ADAMTSL3: variants seen among roughly 807,000 people sequenced by gnomAD.
ADAMTSL3 encodes ADAMTS-like protein 3.
Under a neutral mutation model 201.7 loss-of-function variants are expected in ADAMTSL3, and 128 were observed. That is an observed-to-expected ratio of 0.63 (90% CI 0.55 to 0.73). The LOEUF is 0.73. Ranked by LOEUF, ADAMTSL3 falls within the 30% of genes least tolerant of loss-of-function variation. The probability of loss-of-function intolerance (pLI) is 0.00; values close to 1 mark genes in which losing one functional copy is unlikely to be tolerated. For missense variants in ADAMTSL3, 1,990 were observed against 2,119.6 expected (o/e 0.94, Z 1.20); for synonymous variants, 738 against 748.4 (o/e 0.99, Z 0.23).
intron 4 of ADAMTSL3, among the ~76,000 whole-genome samples, chr15:83,774,122 G>T (rs2141755770): frequency 6.6e-6 from 1 of 152,310 alleles, no homozygotes; most frequent in South Asian, 2.1e-4. Context: ...TTAAAAATCT[G>T]TAAATTTGTA....
chr15:84,007,361 C>T (rs979993454), intron 23 of ADAMTSL3, among the ~76,000 whole-genome samples: 1 of 152,168 alleles, frequency 6.6e-6, no homozygotes, highest in East Asian at 1.9e-4. Context: ...ATTTTAGATA[C>T]ATCTGGATTC....
intron 3 of ADAMTSL3, among the ~76,000 whole-genome samples, chr15:83,762,385 T>A (rs903084398): frequency 6.6e-6 from 1 of 152,184 alleles, no homozygotes; most frequent in Non-Finnish European, 1.5e-5. Flanking sequence ...TTAGTCAATT[T>A]GTGCTGCTAT....
intron 3 of ADAMTSL3, among the ~76,000 whole-genome samples, chr15:83,706,758 G>A (rs2061857625): frequency 6.7e-6 from 1 of 148,872 alleles, no homozygotes; most frequent in African/African-American, 2.5e-5. Context: ...TGATCCTCCT[G>A]CCTCAGCCCC....
chr15:83,765,090 A>T (rs1478883466), intron 3 of ADAMTSL3, among the ~76,000 whole-genome samples: 1 of 152,180 alleles, frequency 6.6e-6, no homozygotes, highest in African/African-American at 2.4e-5. Flanking sequence ...AAGAAGAGAG[A>T]AGTAAAACAC....
intron 24 of ADAMTSL3, among the ~76,000 whole-genome samples, chr15:84,015,235 C>T (rs766489837): frequency 4.6e-5 from 7 of 152,122 alleles, no homozygotes; most frequent in South Asian, 2.1e-4. Flanking sequence ...TGAACCACTG[C>T]GCCCGGTCAG....
At chr15:84,030,395 G>C (rs2068384072) in intron 27 of ADAMTSL3, among the ~76,000 whole-genome samples, 1 of 152,172 alleles carries the variant, frequency 6.6e-6, no homozygotes, top group Non-Finnish European at 1.5e-5. Context: ...GTGAGACATG[G>C]GGTCAAAGGA....
At chr15:84,032,905 A>C (rs1360529851) in intron 28 of ADAMTSL3, among the ~76,000 whole-genome samples, 2 of 152,192 alleles carry the variant, frequency 1.3e-5, no homozygotes, top group Non-Finnish European at 2.9e-5. Context: ...TGATGCTATC[A>C]AATTGCCATC....
intron 4 of ADAMTSL3, among the ~76,000 whole-genome samples, chr15:83,776,488 C>T (rs917085642): frequency 4.1e-4 from 62 of 152,252 alleles, no homozygotes; most frequent in African/African-American, 1.5e-3. Context: ...GAGGCCGAGG[C>T]GGGTGGATCA....
chr15:83,882,710 A>G (rs2141860909), intron 9 of ADAMTSL3, among the ~76,000 whole-genome samples: 1 of 152,318 alleles, frequency 6.6e-6, no homozygotes, highest in South Asian at 2.1e-4. Flanking sequence ...TCTAGATCCA[A>G]TATTCTTGTC....
At chr15:83,944,737 A>ATGC (rs1241509802) in intron 19 of ADAMTSL3, among the ~76,000 whole-genome samples, 3 of 152,228 alleles carry the variant, frequency 2.0e-5, no homozygotes, top group Admixed American at 1.3e-4. Context: ...CAACAGACCC[A>ATGC]TGCTGGTACC....
At chr15:83,990,056 A>G (rs945528007) in intron 22 of ADAMTSL3, among the ~76,000 whole-genome samples, 6 of 152,160 alleles carry the variant, frequency 3.9e-5, no homozygotes, top group Admixed American at 3.9e-4. Flanking sequence ...GATTGAAATG[A>G]GTTTATTTAA....
chr15:84,017,102 TTTTATTTTG>T (rs1005828597), intron 25 of ADAMTSL3, among the ~76,000 whole-genome samples: 12 of 151,944 alleles, frequency 7.9e-5, no homozygotes, highest in African/African-American at 2.2e-4. Context: ...TATTTTGTTA[TTTTATTTTG>T]TTTATTTTGT....
At chr15:83,774,773 CAT>C (rs1385383556) in intron 4 of ADAMTSL3, among the ~76,000 whole-genome samples, 1 of 151,784 alleles carries the variant, frequency 6.6e-6, no homozygotes, top group African/African-American at 2.4e-5. Context: ...GATGGGGTAT[CAT>C]GTTGTTTTGG....
intron 3 of ADAMTSL3, among the ~76,000 whole-genome samples, chr15:83,738,338 G>T (rs893069525): frequency 2.0e-5 from 3 of 151,952 alleles, no homozygotes; most frequent in African/African-American, 4.8e-5. Flanking sequence ...TTAATTCTTG[G>T]GTCTCCTTTT....
intron 4 of ADAMTSL3, among the ~76,000 whole-genome samples, chr15:83,786,682 C>T (rs369462323): frequency 3.3e-5 from 5 of 152,220 alleles, no homozygotes; most frequent in Middle Eastern, 3.4e-3. Flanking sequence ...TAACCACCTG[C>T]GTCTTATCCT....
Position 84,031,250 on chromosome 15 carries a change from C to T in ADAMTSL3, c.4657-85C>T, listed in dbSNP as rs2068403556. 9 of 1,346,244 alleles carry T rather than the reference C, an allele frequency of 6.7e-6. No homozygotes were observed. The South Asian group carries it at 1.1e-4, about 16-fold the overall frequency. 83.4% of individuals were successfully genotyped at this position (1,346,244 alleles called of 1,614,324 possible). ...CAGTCCCCTTGTAATAGGTCTTCAG[C>T]TATCCTGCCTCAGTACATGATCTTA... On this transcript the variant is annotated intron_variant, in intron 27 of 29. Coordinates refer to ENST00000286744, the MANE Select transcript of ADAMTSL3 (RefSeq NM_207517.3).
chr15:83,845,170 C>T (rs184491489), intron 7 of ADAMTSL3, among the ~76,000 whole-genome samples: 11 of 152,352 alleles, frequency 7.2e-5, no homozygotes, highest in East Asian at 1.9e-4. Flanking sequence ...GACCACTCTA[C>T]GTAAAGTAGG....
At chr15:83,976,399 A>G (rs952585672) in intron 20 of ADAMTSL3, among the ~76,000 whole-genome samples, 1 of 152,146 alleles carries the variant, frequency 6.6e-6, no homozygotes, top group Non-Finnish European at 1.5e-5. Context: ...CATGGAAGAC[A>G]GTTTTTCCAC....
At chr15:83,718,711 G>C (rs2062053707) in intron 3 of ADAMTSL3, among the ~76,000 whole-genome samples, 1 of 149,638 alleles carries the variant, frequency 6.7e-6, no homozygotes. Context: ...AAAAAAAATT[G>C]GGACAAAATT....
Sources: gnomAD v4.1 joint callset for allele counts (sites outside exome capture counted in the v4.1 genomes callset) on GRCh38, gnomAD v4.1.1 for gene constraint, MANE v1.5 for transcripts, NCBI Gene and HGNC (gene_info 2026-07-23, HGNC 2026-07-21) for gene names.